The following SIPA1L3 variants were observed in gnomAD, a reference collection of about 807,000 sequenced individuals.
SIPA1L3 encodes the protein signal induced proliferation associated 1 like 3.
Under a neutral mutation model 150.1 loss-of-function variants are expected in SIPA1L3, and 59 were observed. That is an observed-to-expected ratio of 0.39 (90% CI 0.32 to 0.49). The LOEUF (loss-of-function observed/expected upper bound fraction) is 0.49. SIPA1L3 is among the 20% of genes least tolerant of loss of function. The probability of loss-of-function intolerance (pLI) is 0.86; values close to 1 mark genes in which losing one functional copy is unlikely to be tolerated. For synonymous variants in SIPA1L3, 1,070 were observed against 1,077.6 expected, an observed-to-expected ratio of 0.99 and a Z score of 0.14; for missense variants, 2,211 against 2,489.5, an observed-to-expected ratio of 0.89 and a Z score of 2.38.
rs192578059 is a variant in SIPA1L3 at position 38,145,629 on chromosome 19, C to A, written c.3533+2919C>A. The stretch of plus-strand genomic sequence containing the variant: ...TTGTTAACATCTTGTATGGTTATAA[C>A]GCAATATCAAAGCAAGAGGTTGACA... On this transcript the variant is annotated intron_variant, in intron 12 of 21. Coordinates refer to ENST00000222345, the MANE Select transcript of SIPA1L3 (RefSeq NM_015073.3). Among the ~76,000 whole-genome samples the A allele has an allele frequency of 1.6e-3, 241 of 151,658 alleles. 1 individual carries two copies. The highest frequency in any genetic ancestry group is 5.3e-3 in the African/African-American group (218 of 41,320).
intron 12 of SIPA1L3, among the ~76,000 whole-genome samples, chr19:38,145,637 C>G (rs1301216988): frequency 1.3e-5 from 2 of 151,798 alleles, no homozygotes; most frequent in Non-Finnish European, 2.9e-5. Flanking sequence ...AACGCAATAT[C>G]AAAGCAAGAG....
intron 1 of SIPA1L3, among the ~76,000 whole-genome samples, chr19:37,937,908 G>T (rs2046616167): frequency 6.6e-6 from 1 of 151,722 alleles, no homozygotes. Context: ...TTAGCTGGGT[G>T]TGGTGGTGCG....
intron 2 of SIPA1L3, among the ~76,000 whole-genome samples, chr19:38,073,143 C>T (rs1453826480): frequency 6.6e-6 from 1 of 152,214 alleles, no homozygotes; most frequent in African/African-American, 2.4e-5. Context: ...GAAAGATTCT[C>T]CTTCCTGATT....
Position 38,164,575 on chromosome 19 carries a change from C to A in SIPA1L3, c.3877C>A (p.Pro1293Thr). 1 of 1,614,126 alleles carries A rather than the reference C, an allele frequency of 6.2e-7. No individual in the cohort carries two copies. Among genetic ancestry groups the A allele is most frequent in the Non-Finnish European group, 8.5e-7 (1 of 1,180,020 alleles). Residue 1293 changes from proline to threonine, a missense_variant, in exon 15 of 22, where the codon CCC (proline) becomes ACC (threonine). Pro to Thr is a conservative substitution (Grantham distance 38, BLOSUM62 -1). Coordinates refer to ENST00000222345, the MANE Select transcript of SIPA1L3 (RefSeq NM_015073.3). The surrounding 1 kb of genome is among the most constrained non-coding windows in gnomAD (Gnocchi z 4.1). ...SDDRWFDPLD[P>T]LEPEQDPLSK... is the part of the protein sequence containing the mutation. ...CGACCGCTGGTTCGACCCCCTGGAC[C>A]CCCTGGAGCCAGAGCAAGACCCCCT...
intron 1 of SIPA1L3, among the ~76,000 whole-genome samples, chr19:37,982,139 G>C (rs772174874): frequency 2.0e-5 from 3 of 152,208 alleles, no homozygotes; most frequent in Non-Finnish European, 2.9e-5. Flanking sequence ...TTCTCGAATT[G>C]TATCTGTCTG....
chr19:38,130,513 T>G lies in SIPA1L3; in HGVS notation c.2884T>G (p.Trp962Gly). ...TGGCCTGCAGGTGATGACCAGTGGC[T>G]GGGAGACGGTGGACATGACGCTTCG... Reference protein sequence around the residue: ...VQRLKVMTSGWETVDMTLRRN... With the variant: ...VQRLKVMTSGGETVDMTLRRN... Residue 962 changes from tryptophan to glycine, a missense_variant, in exon 10 of 22, where the codon TGG becomes GGG. Trp to Gly is a radical substitution (Grantham distance 184). Transcript: ENST00000222345. 7 of 1,612,152 alleles carry G rather than the reference T, an allele frequency of 4.3e-6. No homozygotes were observed. Among genetic ancestry groups the G allele is most frequent in the Non-Finnish European group, 5.9e-6 (7 of 1,179,522 alleles).
chr19:38,040,917 C>A (rs1195442696), intron 2 of SIPA1L3, among the ~76,000 whole-genome samples: 1 of 151,698 alleles, frequency 6.6e-6, no homozygotes, highest in Non-Finnish European at 1.5e-5. Context: ...CCCACCACCA[C>A]GCCCAGCTAA....
chr19:37,997,771 C>T (rs1479854423), intron 1 of SIPA1L3, among the ~76,000 whole-genome samples: 1 of 149,234 alleles, frequency 6.7e-6, no homozygotes, highest in Non-Finnish European at 1.5e-5. Context: ...GAGGCTGAGG[C>T]GGGAGAATCG....
At chr19:37,938,311 G>A (rs368806163) in intron 1 of SIPA1L3, among the ~76,000 whole-genome samples, 3 of 152,298 alleles carry the variant, frequency 2.0e-5, no homozygotes, top group Non-Finnish European at 2.9e-5. Flanking sequence ...ACATGGACAA[G>A]CATTTCTTTC....
chr19:38,050,891 T>G (rs1486800984), intron 2 of SIPA1L3, among the ~76,000 whole-genome samples: 1 of 152,060 alleles, frequency 6.6e-6, no homozygotes, highest in Admixed American at 6.5e-5. Flanking sequence ...AAACCCCATC[T>G]CTACAAAAAA....
chr19:38,086,248 GGATCAAATAAA>G (rs1202089407), intron 3 of SIPA1L3, among the ~76,000 whole-genome samples: 2 of 151,848 alleles, frequency 1.3e-5, no homozygotes, highest in Non-Finnish European at 2.9e-5. Context: ...AAAGGAATGT[GGATCAAATAAA>G]GATCAAATAA....
In SIPA1L3 at chr19:37,912,081, G is replaced by T. The variant is rs140843832; in HGVS notation, c.-379+4723G>T. On this transcript the variant is annotated intron_variant, in intron 1 of 21. Transcript: ENST00000222345. Reference sequence around the variant, plus strand: ...AGCGAGACTCCATCTATAAAAAAAAGAAAAAATTAGCAGGGTGTGATGATG... The same window carrying T: ...AGCGAGACTCCATCTATAAAAAAAATAAAAAATTAGCAGGGTGTGATGATG... Among the ~76,000 whole-genome samples, 372 of 151,456 alleles carry T rather than the reference G, an allele frequency of 2.5e-3. 6 individuals are homozygous for T. Among genetic ancestry groups the T allele is most frequent in the Non-Finnish European group, 1.1e-3 (72 of 67,798 alleles).
At chr19:38,142,474 T>C (rs1019799009) in intron 11 of SIPA1L3, 99 bp from the exon 12 acceptor site, 200 of 1,361,756 alleles carry the variant, frequency 1.5e-4, no homozygotes, top group Middle Eastern at 7.1e-4. Context: ...TCTGTCTGTC[T>C]GTCCGTCTGT....
intron 8 of SIPA1L3, among the ~76,000 whole-genome samples, chr19:38,117,262 G>A (rs977747966): frequency 3.9e-5 from 6 of 152,182 alleles, no homozygotes; most frequent in Non-Finnish European, 5.9e-5. Flanking sequence ...CTGGCTGCTC[G>A]CCGGGCTCTT....
intron 18 of SIPA1L3, 145 bp downstream of exon 18, chr19:38,193,925 C>T: frequency 1.1e-6 from 1 of 942,406 alleles, no homozygotes; most frequent in Non-Finnish European, 1.5e-6. Context: ...TTCACAGGAA[C>T]TTCGGGGGGC....
At chr19:38,090,425 G>A (rs1970234470) in intron 4 of SIPA1L3, among the ~76,000 whole-genome samples, 2 of 152,028 alleles carry the variant, frequency 1.3e-5, no homozygotes, top group South Asian at 4.1e-4. Context: ...CAGTCGCTGT[G>A]ATCAGGGGTG....
chr19:38,163,388 G>A (rs1972134661), intron 14 of SIPA1L3, among the ~76,000 whole-genome samples: 1 of 151,542 alleles, frequency 6.6e-6, no homozygotes, highest in Non-Finnish European at 1.5e-5. Flanking sequence ...TCCTTGGGAG[G>A]CTGAGGCACA....
chr19:37,915,391 G>GT lies in SIPA1L3; in HGVS notation c.-379+8041dup, dbSNP rs1330867094. On this transcript the variant is annotated intron_variant, in intron 1 of 21. Coordinates refer to ENST00000222345, the MANE Select transcript of SIPA1L3 (RefSeq NM_015073.3). ...TGTTTTTTTTTGTTTGTTTGTTTTT[G>GT]TTTTTTTTGAGTCAGAGGCTCGCTC... 1.6e-4 allele frequency among the ~76,000 whole-genome samples: 24 copies of GT among 151,564 alleles called. No homozygotes were observed. The Middle Eastern group carries it at 0.014, about 86-fold the overall frequency.
chr19:37,998,996 CA>C (rs1967714057), intron 1 of SIPA1L3, among the ~76,000 whole-genome samples: 1 of 151,546 alleles, frequency 6.6e-6, no homozygotes, highest in Non-Finnish European at 1.5e-5. Context: ...CACACACACA[CA>C]CACACACACA....
Sources: allele counts gnomAD v4.1 joint callset (sites outside exome capture counted in the v4.1 genomes callset), GRCh38; gene constraint gnomAD v4.1.1; non-coding constraint Gnocchi (gnomAD v3.1); transcripts MANE v1.5; gene names NCBI Gene and HGNC (gene_info 2026-07-23, HGNC 2026-07-21).